RBM20: variants seen among roughly 807,000 people sequenced by gnomAD.
RBM20 encodes RNA binding motif protein 20.
Under a neutral mutation model 110.1 loss-of-function variants are expected in RBM20, and 51 were observed. The ratio of observed to expected loss-of-function variants is 0.46; its 90% CI spans 0.37 to 0.59. RBM20 has a LOEUF of 0.59. Among genes scored for constraint, RBM20 ranks in the 20% least tolerant of loss-of-function variants. The probability of loss-of-function intolerance (pLI) is 0.00; values close to 1 mark genes in which losing one functional copy is unlikely to be tolerated. For missense variants in RBM20, 1,512 were observed against 1,574.9 expected, an observed-to-expected ratio of 0.96 and a Z score of 0.68; for synonymous variants, 589 against 618.2, an observed-to-expected ratio of 0.95 and a Z score of 0.70.
chr10:110,714,937 T>C (rs1346271064), intron 1 of RBM20, among the ~76,000 whole-genome samples: 4 of 152,102 alleles, frequency 2.6e-5, no homozygotes, highest in African/African-American at 9.7e-5. Flanking sequence ...ATATCTGTAA[T>C]CCAAAAGGTT....
At chr10:110,747,612 C>T (rs1408085469) in intron 1 of RBM20, among the ~76,000 whole-genome samples, 1 of 152,182 alleles carries the variant, frequency 6.6e-6, no homozygotes. Flanking sequence ...ACTTTTATTT[C>T]CATTTTGTGA....
rs1443035533 is a variant in RBM20, at chr10:110,784,521, C to T, written c.1429+89C>T. ...TCCTGTCTTTAATAACCAGGACTTC[C>T]CTGATGTCCCCTTCTCACGGATGTA... On this transcript the variant is annotated intron_variant, in intron 4 of 13. Transcript: ENST00000369519. 3 of 930,970 alleles carry T rather than the reference C, an allele frequency of 3.2e-6. No individual in the cohort carries two copies. The East Asian group carries it at 7.9e-5, about 25-fold the overall frequency. 57.7% of individuals were successfully genotyped at this position (930,970 alleles called of 1,614,324 possible). A position where few individuals can be genotyped will look rare whatever the true frequency, so the allele number is the denominator to read the frequency against.
chr10:110,683,519 A>C (rs1041612518), intron 1 of RBM20, among the ~76,000 whole-genome samples: 9 of 152,212 alleles, frequency 5.9e-5, no homozygotes, highest in African/African-American at 2.2e-4. Flanking sequence ...CTTATTCCTT[A>C]AGAGCTTCCT....
intron 1 of RBM20, among the ~76,000 whole-genome samples, chr10:110,752,947 T>TA (rs1564835271): frequency 0.054 from 4,865 of 90,668 alleles, 75 homozygotes; most frequent in East Asian, 0.096. Flanking sequence ...ATATATATAT[T>TA]TTTTTTTTTT....
At position 110,836,282 on chromosome 10, in the gene RBM20, C is replaced by G; in HGVS notation, c.*304C>G. On this transcript the variant is annotated 3_prime_UTR_variant, in exon 14 of 14. Coordinates refer to ENST00000369519, the MANE Select transcript of RBM20 (RefSeq NM_001134363.3). ...CCTCTTGTTCTTTCTCTCCCTCCCT[C>G]CTTATGTGCCAAGGATCGTTTCCTT... is the stretch of plus-strand genomic sequence containing the variant. The G allele has an allele frequency of 5.1e-6, 1 of 197,998 alleles. No individual in the cohort carries two copies. 12.3% of individuals were successfully genotyped at this position (197,998 alleles called of 1,614,324 possible).
At chr10:110,667,280 C>G (rs1045016335) in intron 1 of RBM20, among the ~76,000 whole-genome samples, 2 of 152,330 alleles carry the variant, frequency 1.3e-5, no homozygotes, top group East Asian at 3.9e-4. Context: ...ATCCCTGTGA[C>G]GTGGGTACCC....
chr10:110,747,741 T>G (rs1843799709), intron 1 of RBM20, among the ~76,000 whole-genome samples: 1 of 152,164 alleles, frequency 6.6e-6, no homozygotes, highest in East Asian at 1.9e-4. Context: ...TGCTAATTTC[T>G]AAATACACTA....
intron 1 of RBM20, among the ~76,000 whole-genome samples, chr10:110,660,829 G>A (rs1166773551): frequency 6.6e-6 from 1 of 152,040 alleles, no homozygotes; most frequent in African/African-American, 2.4e-5. Context: ...GTGATATGCT[G>A]GAATCATCCC....
rs1013563489 is a variant in RBM20, at chr10:110,739,604, G to A, written c.192-41197G>A. On this transcript the variant is annotated intron_variant, in intron 1 of 13. Transcript: ENST00000369519. This position sits in a 1 kb window ranked among gnomAD's most constrained non-coding sequence, Gnocchi z 4.1. ...CAGCCTTCCAGAAAGAACTCAACTC[G>A]AGGACTGACGTGGTGGTGGAAGGCA... Among the ~76,000 whole-genome samples the A allele has an allele frequency of 1.3e-5, 2 of 152,306 alleles. No individual in the cohort carries two copies. Among genetic ancestry groups the A allele is most frequent in the Middle Eastern group, 3.4e-3 (1 of 294 alleles).
At chr10:110,816,175 G>T (rs1447954881) in intron 9 of RBM20, among the ~76,000 whole-genome samples, 1 of 152,080 alleles carries the variant, frequency 6.6e-6, no homozygotes, top group Non-Finnish European at 1.5e-5. Context: ...TTCCTGGCTT[G>T]CTCCTCACCT....
At chr10:110,780,672 C>A in intron 1 of RBM20, 129 bp from the exon 2 acceptor site, 79 of 895,526 alleles carry the variant, frequency 8.8e-5, no homozygotes, top group Middle Eastern at 2.5e-4. Context: ...TTTGCAGATT[C>A]ACTTGTATGT....
intron 5 of RBM20, among the ~76,000 whole-genome samples, chr10:110,796,916 A>G (rs1844557391): frequency 6.6e-6 from 1 of 152,182 alleles, no homozygotes; most frequent in Admixed American, 6.5e-5. Flanking sequence ...ACTGTAATAA[A>G]TGTTCTTGCA....
Position 110,739,472 on chromosome 10 carries a change from C to T in RBM20, c.192-41329C>T, listed in dbSNP as rs555251679. 1.3e-5 allele frequency among the ~76,000 whole-genome samples: 2 copies of T among 152,220 alleles called. No homozygotes were observed. The highest frequency in any genetic ancestry group is 2.1e-4 in the South Asian group (1 of 4,814). ...AAAATGGATTGTTTTGATGAGCTGCCGGATCTCTTGACCCCTCAGAGAATT... is the reference window on the plus strand; with the variant it reads ...AAAATGGATTGTTTTGATGAGCTGCTGGATCTCTTGACCCCTCAGAGAATT... On this transcript the variant is annotated intron_variant, in intron 1 of 13. Coordinates refer to ENST00000369519, the MANE Select transcript of RBM20 (RefSeq NM_001134363.3). This position sits in a 1 kb window ranked among gnomAD's most constrained non-coding sequence, Gnocchi z 4.1.
chr10:110,682,073 G>A (rs1862431748), intron 1 of RBM20, among the ~76,000 whole-genome samples: 1 of 152,044 alleles, frequency 6.6e-6, no homozygotes, highest in Admixed American at 6.5e-5. Flanking sequence ...TGTATTTTTA[G>A]TAGGGATGGG....
At chr10:110,821,220 T>C in intron 10 of RBM20, 55 bp from the exon 11 acceptor site, 1 of 1,457,488 alleles carries the variant, frequency 6.9e-7, no homozygotes, top group Non-Finnish European at 9.3e-7. Context: ...GTCTTGTGCC[T>C]TCCAGTTGAA....
intron 1 of RBM20, among the ~76,000 whole-genome samples, chr10:110,680,648 A>G (rs375151192): frequency 4.6e-5 from 7 of 152,126 alleles, no homozygotes; most frequent in Non-Finnish European, 1.0e-4. Context: ...CTGTCACGCA[A>G]TGCGTGTCAC....
chr10:110,825,910 A>G (rs1435633975), intron 12 of RBM20, among the ~76,000 whole-genome samples: 1 of 152,218 alleles, frequency 6.6e-6, no homozygotes, highest in Non-Finnish European at 1.5e-5. Flanking sequence ...AATAACTGGC[A>G]AAAACCAGAG....
At chr10:110,725,707 G>T (rs1843552767) in intron 1 of RBM20, among the ~76,000 whole-genome samples, 2 of 152,242 alleles carry the variant, frequency 1.3e-5, no homozygotes, top group Non-Finnish European at 2.9e-5. Flanking sequence ...CATCTTGCTT[G>T]GTTGTGTATT....
In RBM20 at chr10:110,837,897, A is replaced by C. The variant is rs1275431798; in HGVS notation, c.*1919A>C. On this transcript the variant is annotated 3_prime_UTR_variant, in exon 14 of 14. Transcript: ENST00000369519. ...GAACTCATCATCAGGCTATTAAATA[A>C]AATTTATAGGAGGCTGTTGGTTTGG... is the stretch of plus-strand genomic sequence containing the variant. The C allele has an allele frequency of 2.6e-5, 4 of 152,174 alleles. No individual in the cohort carries two copies. The highest frequency in any genetic ancestry group is 7.2e-5 in the African/African-American group (3 of 41,438). 9.4% of individuals were successfully genotyped at this position (152,174 alleles called of 1,614,324 possible).
Sources: allele counts gnomAD v4.1 joint callset (sites outside exome capture counted in the v4.1 genomes callset), GRCh38; gene constraint gnomAD v4.1.1; non-coding constraint Gnocchi (gnomAD v3.1); transcripts MANE v1.5; gene names NCBI Gene and HGNC (gene_info 2026-07-23, HGNC 2026-07-21).